The following UGT2B11 variants were observed in gnomAD, a reference collection of about 807,000 sequenced individuals.
The protein encoded by UGT2B11 is UDP glucuronosyltransferase family 2 member B11, also known as UDP-glucuronosyltransferase 2B11.
Under a neutral mutation model 51.7 loss-of-function variants are expected in UGT2B11, and 49 were observed. The ratio of observed to expected loss-of-function variants is 0.95; its 90% CI spans 0.75 to 1.20. UGT2B11 has a LOEUF of 1.20. Ranked by LOEUF, UGT2B11 falls within the 50% of genes most tolerant of loss-of-function variation. The pLI is 0.00. For synonymous variants in UGT2B11, 273 were observed against 209.0 expected (o/e 1.31, Z -2.64); for missense variants, 810 against 622.1 (o/e 1.30, Z -3.21).
At position 69,204,549 on chromosome 4, in the gene UGT2B11, A is replaced by C. The variant is rs760333531; in HGVS notation, c.1191T>G (p.Phe397Leu). The C allele has an allele frequency of 3.6e-5, 58 of 1,612,134 alleles. No individual in the cohort carries two copies. The highest frequency in any genetic ancestry group is 6.7e-5 in the African/African-American group (5 of 74,756). ...GIPMVGIPLF[F>L]DQPDNIAHMK... Reference sequence around the variant, plus strand: ...TGTGAGCAATGTTATCAGGTTGATCAAAAAACAATGGAATGCCCACCATAG... The same window carrying C: ...TGTGAGCAATGTTATCAGGTTGATCCAAAAACAATGGAATGCCCACCATAG... Residue 397 changes from phenylalanine to leucine, a missense_variant, in exon 5 of 6, where the codon TTT becomes TTG. Physicochemically the swap from Phe to Leu is conservative, Grantham distance 22 (BLOSUM62 0). Coordinates refer to ENST00000446444, the MANE Select transcript of UGT2B11 (RefSeq NM_001073.3).
chr4:69,202,056 T>C lies in UGT2B11; in HGVS notation c.1311-1337A>G, dbSNP rs540916072. Among the ~76,000 whole-genome samples, 3 of 151,940 alleles carry C rather than the reference T, an allele frequency of 2.0e-5. No homozygotes were observed. The East Asian group carries it at 5.9e-4, about 30-fold the overall frequency. On this transcript the variant is annotated intron_variant, in intron 5 of 5. Coordinates refer to ENST00000446444, the MANE Select transcript of UGT2B11 (RefSeq NM_001073.3). ...ACATTAGTTTTGCTTGTTTATGTAA[T>C]TGAATTACATAATACGTACTCAAAA...
At chr4:69,208,044 T>A (rs1030216953) in intron 3 of UGT2B11, among the ~76,000 whole-genome samples, 1 of 151,526 alleles carries the variant, frequency 6.6e-6, no homozygotes, top group African/African-American at 2.4e-5. Flanking sequence ...ACTCTTAATA[T>A]CAGAAATTAA....
chr4:69,214,652 C>A lies in UGT2B11; in HGVS notation c.71G>T (p.Gly24Val), dbSNP rs778758879. Residue 24 changes from glycine (G) to valine (V), a missense_variant, in exon 1 of 6, where the codon GGA (glycine) becomes GTA (valine). Physicochemically the swap from Gly to Val is moderately radical, Grantham distance 109. Transcript: ENST00000446444. Reference protein sequence around the residue: ...LSCYFSSGSCGKVLVWAAEYS... With the variant: ...LSCYFSSGSCVKVLVWAAEYS... ...TTCTGCGGCCCACACCAGCACTTTT[C>A]CACAACTCCCAGAGCTAAAGTAACA... 3 of 1,612,986 alleles carry A rather than the reference C, an allele frequency of 1.9e-6. No individual in the cohort carries two copies. The highest frequency in any genetic ancestry group is 2.7e-5 in the African/African-American group (2 of 74,840).
the UGT2B11 span, among the ~76,000 whole-genome samples, chr4:69,219,778 C>T: frequency 1.3e-5 from 2 of 152,146 alleles, no homozygotes; most frequent in Non-Finnish European, 2.9e-5. Flanking sequence ...TTACCTCTCA[C>T]CAAGTTCCTC....
At chr4:69,220,988 T>A in the UGT2B11 span, among the ~76,000 whole-genome samples, 2 of 152,204 alleles carry the variant, frequency 1.3e-5, no homozygotes, top group Non-Finnish European at 2.9e-5. Context: ...AGGTTATGCC[T>A]CCAATTCCAG....
chr4:69,213,093 C>T (rs1052453714), intron 1 of UGT2B11, among the ~76,000 whole-genome samples: 7 of 151,432 alleles, frequency 4.6e-5, no homozygotes, highest in African/African-American at 1.7e-4. Flanking sequence ...TTCTACTGTA[C>T]CCATAAAACC....
At chr4:69,206,514 A>T (rs1241017440) in intron 3 of UGT2B11, among the ~76,000 whole-genome samples, 1 of 151,630 alleles carries the variant, frequency 6.6e-6, no homozygotes, top group East Asian at 2.0e-4. Context: ...AGGAAAAATA[A>T]TAAACGAATA....
the UGT2B11 span, among the ~76,000 whole-genome samples, chr4:69,221,866 T>C: frequency 6.6e-6 from 1 of 152,254 alleles, no homozygotes; most frequent in Non-Finnish European, 1.5e-5. Context: ...CTCAGTCCTG[T>C]TGCTGAATCA....
At chr4:69,210,149 G>A (rs1722007437) in intron 2 of UGT2B11, among the ~76,000 whole-genome samples, 1 of 151,310 alleles carries the variant, frequency 6.6e-6, no homozygotes, top group Non-Finnish European at 1.5e-5. Flanking sequence ...TTTGTACTAT[G>A]GCTGATGGTG....
In UGT2B11 at chr4:69,214,078, G is replaced by T; in HGVS notation, c.645C>A (p.Ile215=). 6.2e-7 allele frequency: 1 copy of T among 1,611,052 alleles called. No homozygotes were observed. Among genetic ancestry groups the T allele is most frequent in the Non-Finnish European group, 8.5e-7 (1 of 1,178,542 alleles). The part of the protein sequence containing the change: ...MTFMERVKNM[I]YVLYFDFWFQ... The stretch of plus-strand genomic sequence containing the variant: ...ACCAAAAGTCAAAATAAAGCACATA[G>T]ATCATATTTTTTACCCTCTCCATGA... Residue 215 remains isoleucine (I), a synonymous_variant, in exon 1 of 6, where the codon ATC becomes ATA. Coordinates refer to ENST00000446444, the MANE Select transcript of UGT2B11 (RefSeq NM_001073.3).
rs543270056 is a variant in UGT2B11 at position 69,206,679 on chromosome 4, A to T, written c.1003-1112T>A. 1.5e-4 allele frequency among the ~76,000 whole-genome samples: 23 copies of T among 151,772 alleles called. No individual in the cohort carries two copies. In the East Asian group the frequency reaches 4.5e-3, roughly 30 times the overall value. ...TTTAAAAAATAAAAATATTACAAAA[A>T]AAGTGTAAAAAATTATATGGAGTGA... On this transcript the variant is annotated intron_variant, in intron 3 of 5. Transcript: ENST00000446444.
At chr4:69,224,978 C>T in the UGT2B11 span, among the ~76,000 whole-genome samples, 2 of 152,166 alleles carry the variant, frequency 1.3e-5, no homozygotes, top group South Asian at 2.1e-4. Context: ...TAAGTTTTAT[C>T]TACTTTATAA....
At chr4:69,208,061 C>T (rs1721922436) in intron 3 of UGT2B11, among the ~76,000 whole-genome samples, 1 of 151,454 alleles carries the variant, frequency 6.6e-6, no homozygotes, top group East Asian at 2.0e-4. Context: ...TTAAAAATAA[C>T]CATGAGTCTC....
chr4:69,211,334 A>C (rs548111354), intron 2 of UGT2B11, among the ~76,000 whole-genome samples: 1 of 151,634 alleles, frequency 6.6e-6, no homozygotes, highest in Non-Finnish European at 1.5e-5. Context: ...AGAATTTTAG[A>C]ATTTCAACTA....
At position 69,210,848 on chromosome 4, in the gene UGT2B11, A is replaced by T. The variant is rs141469886; in HGVS notation, c.870+1725T>A. ...CGTTCTTTTAAGAGGTTGCATAATA[A>T]TGCATTGAAGAATGCTTACTTTGTA... On this transcript the variant is annotated intron_variant, in intron 2 of 5. Coordinates refer to ENST00000446444, the MANE Select transcript of UGT2B11 (RefSeq NM_001073.3). Among the ~76,000 whole-genome samples, 949 of 151,768 alleles carry T rather than the reference A, an allele frequency of 6.3e-3. 11 individuals carry two copies. The highest frequency in any genetic ancestry group is 0.022 in the African/African-American group (900 of 41,508).
chr4:69,219,830 A>T, the UGT2B11 span, among the ~76,000 whole-genome samples: 2 of 152,138 alleles, frequency 1.3e-5, no homozygotes, highest in African/African-American at 4.8e-5. Flanking sequence ...TTCCAGATGA[A>T]ATTTCGGTGA....
chr4:69,214,623 T>A lies in UGT2B11; in HGVS notation c.100A>T (p.Ser34Cys). 1 of 1,613,282 alleles carries A rather than the reference T, an allele frequency of 6.2e-7. No individual in the cohort carries two copies. The highest frequency in any genetic ancestry group is 8.5e-7 in the Non-Finnish European group (1 of 1,179,420). Residue 34 changes from serine to cysteine, a missense_variant, in exon 1 of 6, where the codon AGC becomes TGC. Transcript: ENST00000446444. The stretch of plus-strand genomic sequence containing the variant: ...ATTGTCTTCATATTCATCCAATGGC[T>A]GTATTCTGCGGCCCACACCAGCACT... The part of the protein sequence containing the change: ...GKVLVWAAEY[S>C]HWMNMKTILK...
Position 69,214,578 on chromosome 4 carries a change from T to C in UGT2B11, c.145A>G (p.Arg49Gly), listed in dbSNP as rs369463242. 4.3e-6 allele frequency: 7 copies of C among 1,613,328 alleles called. No individual in the cohort carries two copies. The highest frequency in any genetic ancestry group is 5.9e-6 in the Non-Finnish European group (7 of 1,179,462). Residue 49 changes from arginine (R) to glycine (G), a missense_variant, in exon 1 of 6, where the codon AGA becomes GGA. Transcript: ENST00000446444. ...GCCAGTACAGTCACCTCATGACCTC[T>C]CTGAACAAGCTCTTTCAGGATTGTC... is the stretch of plus-strand genomic sequence containing the variant. Reference protein sequence around the residue: ...MKTILKELVQRGHEVTVLASS... With the variant: ...MKTILKELVQGGHEVTVLASS...
At chr4:69,201,233 A>T (rs1721648093) in intron 5 of UGT2B11, 1 of 152,064 alleles carries the variant, frequency 6.6e-6, no homozygotes, top group Non-Finnish European at 1.5e-5. Context: ...GACTATGAAA[A>T]TGCGATGTGA....
Sources: allele counts gnomAD v4.1 joint callset (sites outside exome capture counted in the v4.1 genomes callset), GRCh38; gene constraint gnomAD v4.1.1; transcripts MANE v1.5; gene names NCBI Gene and HGNC (gene_info 2026-07-23, HGNC 2026-07-21).